The following MDFIC2 variants were observed in gnomAD, a reference collection of about 807,000 sequenced individuals.
MDFIC2 encodes the protein MyoD family inhibitor domain containing 2.
At chr3:70,282,934 A>G (rs1305895677) in intron 2 of MDFIC2, among the ~76,000 whole-genome samples, 3 of 152,196 alleles carry the variant, frequency 2.0e-5, no homozygotes, top group African/African-American at 7.2e-5. Context: ...GTAATAAAAG[A>G]TGACTCTTAT....
chr3:70,257,923 G>C (rs1482811709), intron 2 of MDFIC2, among the ~76,000 whole-genome samples: 1 of 152,120 alleles, frequency 6.6e-6, no homozygotes, highest in East Asian at 1.9e-4. Context: ...TTGGTGTAAG[G>C]ATAGACATAT....
intron 2 of MDFIC2, among the ~76,000 whole-genome samples, chr3:70,301,405 T>G (rs1365244537): frequency 6.6e-6 from 1 of 152,090 alleles, no homozygotes; most frequent in Non-Finnish European, 1.5e-5. Flanking sequence ...CTAAAGAGCT[T>G]GTGCTTATCT....
At chr3:70,299,405 C>T (rs533494056) in intron 2 of MDFIC2, among the ~76,000 whole-genome samples, 128 of 152,122 alleles carry the variant, frequency 8.4e-4, no homozygotes, top group African/African-American at 2.9e-3. Context: ...TAATTTTTTT[C>T]CATTTTCATA....
chr3:70,229,709 T>C (rs1464171907), intron 2 of MDFIC2, among the ~76,000 whole-genome samples: 2 of 152,050 alleles, frequency 1.3e-5, no homozygotes, highest in African/African-American at 2.4e-5. Flanking sequence ...AGCCACAAAA[T>C]AGAAAAAGCC....
rs564111876 is a variant in MDFIC2, at chr3:70,307,797, T to C, written c.88+4089A>G. On this transcript the variant is annotated intron_variant, in intron 2 of 3. Transcript: ENST00000567252. ...GCCTCCAGTGACAACACAGAACCAA[T>C]GTCCACTACTTAACCTACAGTCAGC... Among the ~76,000 whole-genome samples, 3 of 152,324 alleles carry C rather than the reference T, an allele frequency of 2.0e-5. No homozygotes were observed. The South Asian group carries it at 6.2e-4, about 32-fold the overall frequency.
chr3:70,198,848 T>G (rs1701207183), intron 3 of MDFIC2, among the ~76,000 whole-genome samples: 2 of 152,156 alleles, frequency 1.3e-5, no homozygotes, highest in African/African-American at 4.8e-5. Context: ...CTCCCATATC[T>G]CATAAGTCAC....
chr3:70,300,336 C>A (rs1246294691), intron 2 of MDFIC2, among the ~76,000 whole-genome samples: 2 of 152,058 alleles, frequency 1.3e-5, no homozygotes, highest in Non-Finnish European at 2.9e-5. Context: ...CCTTCTCTTA[C>A]AACATTATAC....
intron 2 of MDFIC2, among the ~76,000 whole-genome samples, chr3:70,261,170 G>A (rs1219532005): frequency 6.6e-6 from 1 of 152,142 alleles, no homozygotes; most frequent in Non-Finnish European, 1.5e-5. Context: ...GTTCCCTTAT[G>A]CATTGCTTGA....
At chr3:70,249,372 T>C (rs1005252007) in intron 2 of MDFIC2, among the ~76,000 whole-genome samples, 3 of 152,160 alleles carry the variant, frequency 2.0e-5, no homozygotes, top group Admixed American at 2.0e-4. Context: ...TCTATCATAT[T>C]GTGCAAATAT....
At chr3:70,216,168 A>T (rs1701409872) in intron 2 of MDFIC2, among the ~76,000 whole-genome samples, 1 of 151,280 alleles carries the variant, frequency 6.6e-6, no homozygotes, top group Admixed American at 6.6e-5. Flanking sequence ...ATTTATATTT[A>T]TGCTTTATAT....
At chr3:70,285,425 T>C (rs1389198256) in intron 2 of MDFIC2, among the ~76,000 whole-genome samples, 5 of 152,146 alleles carry the variant, frequency 3.3e-5, no homozygotes, top group African/African-American at 4.8e-5. Context: ...CTATGGTGTA[T>C]ATATGCCACA....
chr3:70,222,836 T>C (rs970620457), intron 2 of MDFIC2, among the ~76,000 whole-genome samples: 4 of 152,180 alleles, frequency 2.6e-5, no homozygotes, highest in African/African-American at 9.6e-5. Context: ...CATTAGAAGA[T>C]ACTGCTGATG....
At chr3:70,269,808 G>A (rs1054805140) in intron 2 of MDFIC2, among the ~76,000 whole-genome samples, 6 of 152,068 alleles carry the variant, frequency 3.9e-5, no homozygotes, top group African/African-American at 4.8e-5. Flanking sequence ...AAATTTAAAC[G>A]AAATCACATC....
At chr3:70,257,376 G>A (rs1257434953) in intron 2 of MDFIC2, among the ~76,000 whole-genome samples, 2 of 152,144 alleles carry the variant, frequency 1.3e-5, no homozygotes, top group Admixed American at 1.3e-4. Context: ...AATGTCAGTA[G>A]CCATCATTTC....
At chr3:70,236,100 C>T (rs1701606088) in intron 2 of MDFIC2, among the ~76,000 whole-genome samples, 1 of 152,184 alleles carries the variant, frequency 6.6e-6, no homozygotes, top group Admixed American at 6.5e-5. Flanking sequence ...TTCACTCTTT[C>T]CCTTGCTAAC....
At chr3:70,302,978 T>A (rs1702365283) in intron 2 of MDFIC2, among the ~76,000 whole-genome samples, 1 of 152,168 alleles carries the variant, frequency 6.6e-6, no homozygotes, top group African/African-American at 2.4e-5. Flanking sequence ...ACACAGAAGA[T>A]CTCATCTTTT....
chr3:70,252,671 C>T (rs1475217439), intron 2 of MDFIC2, among the ~76,000 whole-genome samples: 1 of 152,132 alleles, frequency 6.6e-6, no homozygotes, highest in Non-Finnish European at 1.5e-5. Flanking sequence ...ATCATTCAGG[C>T]ACTGTATTGC....
chr3:70,207,127 A>G (rs1701299024), intron 2 of MDFIC2, among the ~76,000 whole-genome samples: 1 of 151,224 alleles, frequency 6.6e-6, no homozygotes, highest in Non-Finnish European at 1.5e-5. Flanking sequence ...GCCTCCTGTC[A>G]CAGAGTATTA....
At chr3:70,245,949 TG>T (rs1254754517) in intron 2 of MDFIC2, among the ~76,000 whole-genome samples, 1 of 151,564 alleles carries the variant, frequency 6.6e-6, no homozygotes, top group Non-Finnish European at 1.5e-5. Context: ...TCTTCCTGCC[TG>T]CTTTGTTCTT....
Sources: gnomAD v4.1 joint callset for allele counts (sites outside exome capture counted in the v4.1 genomes callset) on GRCh38, gnomAD v4.1.1 for gene constraint, MANE v1.5 for transcripts, NCBI Gene and HGNC (gene_info 2026-07-23, HGNC 2026-07-21) for gene names.